Variants in LRP1B observed in about 807,000 individuals in gnomAD.
LRP1B encodes low-density lipoprotein receptor-related protein 1B.
In LRP1B, 217 loss-of-function variants were observed where a neutral mutation model predicts 556.6. The ratio of observed to expected loss-of-function variants is 0.39; its 90% CI spans 0.35 to 0.44. The LOEUF is 0.44. LRP1B is among the 20% of genes least tolerant of loss of function. The pLI is 1.00. For synonymous variants in LRP1B, 2,047 were observed against 1,865.8 expected, an observed-to-expected ratio of 1.10 and a Z score of -2.50; for missense variants, 5,053 against 5,620.8, an observed-to-expected ratio of 0.90 and a Z score of 3.23.
At chr2:141,820,947 TG>T (rs1292066180) in intron 1 of LRP1B, among the ~76,000 whole-genome samples, 1 of 152,194 alleles carries the variant, frequency 6.6e-6, no homozygotes, top group Non-Finnish European at 1.5e-5. Flanking sequence ...TGAAGGATCC[TG>T]AGGTGGGAGA....
intron 1 of LRP1B, among the ~76,000 whole-genome samples, chr2:142,076,139 C>A (rs1464346376): frequency 3.9e-5 from 6 of 152,062 alleles, no homozygotes; most frequent in Non-Finnish European, 8.8e-5. Context: ...TGTTTTATGA[C>A]ATCTGACAAA....
chr2:140,526,015 A>G (rs1362847136), intron 48 of LRP1B, 22 bp from the exon 49 acceptor site: 1 of 1,609,588 alleles, frequency 6.2e-7, no homozygotes, highest in Admixed American at 1.7e-5. Context: ...TAAACAAAAA[A>G]TGAAAAAGTA....
At chr2:142,026,412 A>C (rs1703503646) in intron 1 of LRP1B, among the ~76,000 whole-genome samples, 1 of 152,076 alleles carries the variant, frequency 6.6e-6, no homozygotes, top group East Asian at 1.9e-4. Context: ...CCCATGTCAT[A>C]ATGGTCATAT....
intron 7 of LRP1B, among the ~76,000 whole-genome samples, chr2:141,103,572 A>C (rs1196288358): frequency 1.5e-5 from 2 of 134,608 alleles, no homozygotes; most frequent in Non-Finnish European, 3.3e-5. Flanking sequence ...CAAGAGGTAA[A>C]ATTTTTCCAT....
intron 2 of LRP1B, among the ~76,000 whole-genome samples, chr2:141,695,175 G>T (rs550724206): frequency 6.6e-6 from 1 of 151,982 alleles, no homozygotes; most frequent in East Asian, 1.9e-4. Context: ...TACAGCTGCT[G>T]TATTTACCGT....
intron 2 of LRP1B, among the ~76,000 whole-genome samples, chr2:141,663,057 G>T (rs1690286024): frequency 1.3e-5 from 2 of 152,218 alleles, no homozygotes; most frequent in Non-Finnish European, 1.5e-5. Flanking sequence ...ACAACTACAT[G>T]GAAATTGAAC....
chr2:141,568,497 C>G (rs988956429), intron 2 of LRP1B, among the ~76,000 whole-genome samples: 2 of 150,930 alleles, frequency 1.3e-5, no homozygotes, highest in Admixed American at 6.6e-5. Context: ...AATGAAGACT[C>G]TGATAGTATA....
intron 55 of LRP1B, among the ~76,000 whole-genome samples, chr2:140,496,443 G>A (rs1688944427): frequency 6.6e-6 from 1 of 151,916 alleles, no homozygotes; most frequent in African/African-American, 2.4e-5. Context: ...AGATATGTAG[G>A]TGTCCGAATA....
At chr2:140,895,469 T>C (rs79717792) in intron 23 of LRP1B, among the ~76,000 whole-genome samples, 5,954 of 151,750 alleles carry the variant, frequency 0.039, 181 homozygotes, top group South Asian at 0.093. Flanking sequence ...GGCAGGTGAG[T>C]GCTCGCAGGG....
At position 141,325,994 on chromosome 2, in the gene LRP1B, T is replaced by C. The variant is rs1573808718; in HGVS notation, c.344-71353A>G. On this transcript the variant is annotated intron_variant, in intron 3 of 90. Coordinates refer to ENST00000389484, the MANE Select transcript of LRP1B (RefSeq NM_018557.3). ...TTTTAAAACCTAATATAAATAATCCTATTGCAAGGTTTAAGAAATGCATAA... is the reference window on the plus strand; with the variant it reads ...TTTTAAAACCTAATATAAATAATCCCATTGCAAGGTTTAAGAAATGCATAA... Among the ~76,000 whole-genome samples, 3 of 152,320 alleles carry C rather than the reference T, an allele frequency of 2.0e-5. No individual in the cohort carries two copies. In the South Asian group the frequency reaches 6.2e-4, roughly 32 times the overall value.
chr2:141,824,039 T>C (rs1005165067), intron 1 of LRP1B, among the ~76,000 whole-genome samples: 2 of 152,144 alleles, frequency 1.3e-5, no homozygotes, highest in African/African-American at 4.8e-5. Flanking sequence ...TAAGGTTAAA[T>C]ACTCCCTTTG....
At chr2:141,846,414 T>A (rs1183807941) in intron 1 of LRP1B, among the ~76,000 whole-genome samples, 1 of 151,534 alleles carries the variant, frequency 6.6e-6, no homozygotes, top group Non-Finnish European at 1.5e-5. Flanking sequence ...CTTCACAAAA[T>A]TCCCAAGATT....
At chr2:141,602,230 T>G (rs961820985) in intron 2 of LRP1B, among the ~76,000 whole-genome samples, 6 of 152,190 alleles carry the variant, frequency 3.9e-5, no homozygotes, top group African/African-American at 7.2e-5. Context: ...CTGAGAAACA[T>G]AAACATTTTG....
intron 56 of LRP1B, among the ~76,000 whole-genome samples, chr2:140,493,152 A>G (rs1688775648): frequency 6.6e-6 from 1 of 152,140 alleles, no homozygotes; most frequent in Non-Finnish European, 1.5e-5. Flanking sequence ...CTGCATATAT[A>G]TATACCCTTT....
intron 1 of LRP1B, among the ~76,000 whole-genome samples, chr2:142,101,278 T>C (rs1706559244): frequency 6.6e-6 from 1 of 151,958 alleles, no homozygotes; most frequent in South Asian, 2.1e-4. Context: ...ATCATTCACA[T>C]AGTAAAAAAA....
intron 2 of LRP1B, among the ~76,000 whole-genome samples, chr2:141,486,087 T>C (rs1251994569): frequency 6.6e-6 from 1 of 152,116 alleles, no homozygotes; most frequent in African/African-American, 2.4e-5. Context: ...TTCAGCAATG[T>C]GCACATTCAG....
chr2:141,017,960 C>A (rs936713849), intron 12 of LRP1B, among the ~76,000 whole-genome samples: 28 of 150,654 alleles, frequency 1.9e-4, no homozygotes, highest in Non-Finnish European at 3.1e-4. Context: ...AAGATCATAC[C>A]ACTGCACTCC....
At chr2:141,318,213 A>G (rs1687100739) in intron 3 of LRP1B, among the ~76,000 whole-genome samples, 1 of 152,152 alleles carries the variant, frequency 6.6e-6, no homozygotes, top group African/African-American at 2.4e-5. Flanking sequence ...TACTACACTA[A>G]CACAAAGATT....
In LRP1B at chr2:142,129,584, T is replaced by TTCTCTCTCTCTCTCTCTC. The variant is rs56034357; in HGVS notation, c.82+1046_82+1063dup. On this transcript the variant is annotated intron_variant, in intron 1 of 90. Transcript: ENST00000389484. ...TTGGGATCTGGGTTTCTTTCTCTCT[T>TTCTCTCTCTCTCTCTCTC]TCTCTCTCTCTCTCTCTCTCTCTCT... Among the ~76,000 whole-genome samples the TTCTCTCTCTCTCTCTCTC allele has an allele frequency of 1.0e-4, 14 of 134,826 alleles. 1 individual carries two copies. The East Asian group carries it at 1.6e-3, about 16-fold the overall frequency. The allele number at this position is 134,826 out of a possible 152,430, so 88.5% of individuals were successfully genotyped here.
Sources: allele counts gnomAD v4.1 joint callset (sites outside exome capture counted in the v4.1 genomes callset), GRCh38; gene constraint gnomAD v4.1.1; transcripts MANE v1.5; gene names NCBI Gene and HGNC (gene_info 2026-07-23, HGNC 2026-07-21).